The following CSMD1 variants were observed in gnomAD, a reference collection of about 807,000 sequenced individuals.
The protein encoded by CSMD1 is CUB and sushi domain-containing protein 1.
CSMD1 carries 213 observed loss-of-function variants against 417.5 expected under a neutral mutation model. The observed-to-expected ratio is 0.51, with a 90% confidence interval of 0.46 to 0.57. The LOEUF (loss-of-function observed/expected upper bound fraction) is 0.57. Ranked by LOEUF, CSMD1 falls within the 20% of genes least tolerant of loss-of-function variation. The pLI is 0.00. For synonymous variants in CSMD1, 2,862 were observed against 1,736.8 expected (o/e 1.65, Z -16.11); for missense variants, 6,923 against 4,529.7 (o/e 1.53, Z -15.17).
chr8:4,007,542 A>C (rs1041336377), intron 4 of CSMD1, among the ~76,000 whole-genome samples: 4 of 148,174 alleles, frequency 2.7e-5, no homozygotes, highest in African/African-American at 1.0e-4. Context: ...ATTGCTTCCC[A>C]CCTCTCCATC....
chr8:3,927,295 G>C (rs1320884647), intron 5 of CSMD1, among the ~76,000 whole-genome samples: 1 of 151,872 alleles, frequency 6.6e-6, no homozygotes, highest in Non-Finnish European at 1.5e-5. Flanking sequence ...TAAGGTGCCA[G>C]ACAGCATGAA....
chr8:4,162,647 T>C (rs868289242), intron 3 of CSMD1, among the ~76,000 whole-genome samples: 16 of 152,186 alleles, frequency 1.1e-4, no homozygotes, highest in Middle Eastern at 3.2e-3. Context: ...TACACTGATA[T>C]GTCATGTAAC....
chr8:3,423,254 A>C (rs556415042), intron 12 of CSMD1, among the ~76,000 whole-genome samples: 8 of 152,314 alleles, frequency 5.3e-5, no homozygotes, highest in African/African-American at 1.9e-4. Context: ...GGTTATAGTC[A>C]TGTATCCAAC....
At chr8:4,354,123 C>T (rs75894447) in intron 3 of CSMD1, among the ~76,000 whole-genome samples, 4,366 of 152,182 alleles carry the variant, frequency 0.029, 149 homozygotes, top group African/African-American at 0.074. Context: ...CAAGAACGCG[C>T]CTGAAAGTAA....
chr8:4,606,762 G>A (rs1202190409), intron 2 of CSMD1, among the ~76,000 whole-genome samples: 1 of 152,150 alleles, frequency 6.6e-6, no homozygotes, highest in African/African-American at 2.4e-5. Context: ...TGAAGGGATA[G>A]TAAATTTTCA....
At chr8:4,688,053 C>T (rs764913638) in intron 1 of CSMD1, among the ~76,000 whole-genome samples, 3 of 152,036 alleles carry the variant, frequency 2.0e-5, no homozygotes, top group Admixed American at 6.6e-5. Context: ...TAATTGATTG[C>T]CCTATGGCTC....
chr8:4,946,785 A>G (rs1808399603), intron 1 of CSMD1, among the ~76,000 whole-genome samples: 1 of 152,338 alleles, frequency 6.6e-6, no homozygotes, highest in African/African-American at 2.4e-5. Context: ...GCTTCACTAC[A>G]GGGAAATAAA....
At chr8:3,195,340 C>G (rs1796646787) in intron 33 of CSMD1, among the ~76,000 whole-genome samples, 1 of 152,104 alleles carries the variant, frequency 6.6e-6, no homozygotes, top group African/African-American at 2.4e-5. Context: ...GATGTGGGCT[C>G]TGCCTCTCTT....
chr8:3,809,421 T>C (rs566233896), intron 5 of CSMD1, among the ~76,000 whole-genome samples: 5 of 152,228 alleles, frequency 3.3e-5, no homozygotes, highest in Non-Finnish European at 5.9e-5. Flanking sequence ...TTTGTTTCCT[T>C]CTCCATCAAA....
intron 10 of CSMD1, among the ~76,000 whole-genome samples, chr8:3,571,583 G>A (rs1207404019): frequency 6.6e-6 from 1 of 151,972 alleles, no homozygotes; most frequent in Non-Finnish European, 1.5e-5. Flanking sequence ...CCACACCCAC[G>A]GCACCTACTG....
intron 5 of CSMD1, among the ~76,000 whole-genome samples, chr8:3,949,191 C>A (rs955593213): frequency 6.6e-6 from 1 of 152,142 alleles, no homozygotes; most frequent in African/African-American, 2.4e-5. Flanking sequence ...ACATCCTTAT[C>A]ATTTCTTTAT....
chr8:3,640,060 T>A (rs1004228442), intron 7 of CSMD1, among the ~76,000 whole-genome samples: 1 of 152,168 alleles, frequency 6.6e-6, no homozygotes, highest in Admixed American at 6.5e-5. Flanking sequence ...TCTAATTGCA[T>A]AAGAAGCAGC....
intron 4 of CSMD1, among the ~76,000 whole-genome samples, chr8:4,015,553 G>T (rs931746288): frequency 2.0e-5 from 3 of 150,870 alleles, no homozygotes; most frequent in Non-Finnish European, 1.5e-5. Flanking sequence ...TTTATTAAAG[G>T]TATCAGTGCT....
At chr8:3,781,987 T>C (rs1449952669) in intron 5 of CSMD1, among the ~76,000 whole-genome samples, 2 of 152,052 alleles carry the variant, frequency 1.3e-5, no homozygotes, top group Admixed American at 6.6e-5. Flanking sequence ...GGGATGATGA[T>C]ACTGAAAGAC....
intron 3 of CSMD1, among the ~76,000 whole-genome samples, chr8:4,306,652 G>T (rs865805708): frequency 6.6e-6 from 1 of 151,878 alleles, no homozygotes; most frequent in Non-Finnish European, 1.5e-5. Context: ...ATCCATTGTC[G>T]ATCACATGTA....
chr8:3,285,593 T>C (rs1803089522), intron 25 of CSMD1, among the ~76,000 whole-genome samples: 1 of 151,904 alleles, frequency 6.6e-6, no homozygotes, highest in African/African-American at 2.4e-5. Flanking sequence ...GACATGGGGT[T>C]TCACCAAGTT....
intron 5 of CSMD1, among the ~76,000 whole-genome samples, chr8:3,850,080 G>A (rs1474426961): frequency 2.0e-5 from 3 of 152,216 alleles, no homozygotes; most frequent in East Asian, 1.9e-4. Flanking sequence ...ACAGGCATGA[G>A]CCACTGCACC....
intron 2 of CSMD1, among the ~76,000 whole-genome samples, chr8:4,425,902 C>G (rs1403720576): frequency 2.0e-5 from 3 of 151,954 alleles, no homozygotes; most frequent in Non-Finnish European, 4.4e-5. Context: ...ATGTTACTCC[C>G]TATCGTAATT....
intron 2 of CSMD1, among the ~76,000 whole-genome samples, chr8:4,531,320 G>C (rs988564943): frequency 2.6e-5 from 4 of 152,112 alleles, no homozygotes; most frequent in African/African-American, 4.8e-5. Flanking sequence ...AATGTATTCA[G>C]GTCATTTAAT....
Sources: allele counts gnomAD v4.1 joint callset (sites outside exome capture counted in the v4.1 genomes callset), GRCh38; gene constraint gnomAD v4.1.1; transcripts MANE v1.5; gene names NCBI Gene and HGNC (gene_info 2026-07-23, HGNC 2026-07-21).